CUBN: variants seen among roughly 807,000 people sequenced by gnomAD.
CUBN encodes 460 kDa receptor.
A neutral mutation model predicts 405.3 loss-of-function variants in CUBN; 282 were observed. The ratio of observed to expected loss-of-function variants is 0.70; its 90% confidence interval spans 0.63 to 0.77. The LOEUF is 0.77. CUBN is among the 30% of genes least tolerant of loss of function. CUBN has a pLI of 0.00. For synonymous variants in CUBN, 1,684 were observed against 1,617.0 expected, an observed-to-expected ratio of 1.04 and a Z score of -0.99; for missense variants, 4,514 against 4,475.2, an observed-to-expected ratio of 1.01 and a Z score of -0.25.
intron 31 of CUBN, among the ~76,000 whole-genome samples, chr10:16,967,854 A>G (rs1843440041): frequency 6.6e-6 from 1 of 150,482 alleles, no homozygotes; most frequent in South Asian, 2.1e-4. Flanking sequence ...AGAGGGAGAG[A>G]GAGAGAAGGA....
intron 21 of CUBN, among the ~76,000 whole-genome samples, chr10:17,066,154 C>T (rs543083491): frequency 5.9e-5 from 9 of 152,228 alleles, no homozygotes; most frequent in Non-Finnish European, 1.2e-4. Flanking sequence ...TGCCTACAAT[C>T]GTAACCCCTA....
intron 27 of CUBN, among the ~76,000 whole-genome samples, chr10:17,039,140 G>A (rs7893634): frequency 0.49 from 74,827 of 151,908 alleles, 21,898 homozygotes; most frequent in African/African-American, 0.83. Context: ...TCCTTTCTGT[G>A]GCTTTCTCCA....
intron 64 of CUBN, 58 bp from the exon 65 acceptor site, chr10:16,831,475 T>G (rs1838991296): frequency 1.4e-6 from 2 of 1,409,588 alleles, no homozygotes; most frequent in African/African-American, 2.8e-5. Flanking sequence ...GGTATATACA[T>G]TAAAATGGAG....
At chr10:16,885,545 G>T (rs937476242) in intron 56 of CUBN, among the ~76,000 whole-genome samples, 11 of 152,080 alleles carry the variant, frequency 7.2e-5, no homozygotes, top group African/African-American at 2.7e-4. Flanking sequence ...CACTTGAATA[G>T]CAGTAAGTGG....
At chr10:17,092,941 G>A (rs1404421518) in intron 14 of CUBN, among the ~76,000 whole-genome samples, 1 of 152,140 alleles carries the variant, frequency 6.6e-6, no homozygotes, top group African/African-American at 2.4e-5. Flanking sequence ...ATTGATAATA[G>A]TAAGGAATTA....
intron 43 of CUBN, among the ~76,000 whole-genome samples, chr10:16,921,153 G>A (rs1294308183): frequency 1.3e-5 from 2 of 152,102 alleles, no homozygotes; most frequent in African/African-American, 4.8e-5. Flanking sequence ...AACTACAATG[G>A]CTGTTTGGAA....
chr10:16,867,121 A>G lies in CUBN; in HGVS notation c.9454+2515T>C, dbSNP rs541376420. Among the ~76,000 whole-genome samples, 9 of 152,366 alleles carry G rather than the reference A, an allele frequency of 5.9e-5. No individual in the cohort carries two copies. In the South Asian group the frequency reaches 1.9e-3, roughly 32 times the overall value. ...GATCGAAACGGAAATGTCATAGACT[A>G]AAATGGTCTCCTCTTCACATCAATT... On this transcript the variant is annotated intron_variant, in intron 59 of 66. Transcript: ENST00000377833.
At chr10:17,124,149 T>A (rs893996774) in intron 4 of CUBN, among the ~76,000 whole-genome samples, 1 of 152,240 alleles carries the variant, frequency 6.6e-6, no homozygotes, top group Non-Finnish European at 1.5e-5. Context: ...CATCTGCTGC[T>A]GCTGCCCCTC....
At chr10:16,875,852 T>A (rs995978013) in intron 57 of CUBN, among the ~76,000 whole-genome samples, 1 of 152,320 alleles carries the variant, frequency 6.6e-6, no homozygotes, top group South Asian at 2.1e-4. Context: ...AGTTTACCTC[T>A]CCAAAGCAGC....
intron 31 of CUBN, among the ~76,000 whole-genome samples, chr10:16,974,664 C>T (rs1833040164): frequency 6.6e-6 from 1 of 152,176 alleles, no homozygotes; most frequent in Non-Finnish European, 1.5e-5. Context: ...AGCCACCGCG[C>T]CCGGCCTACA....
At chr10:17,045,428 T>G (rs1835111249) in intron 24 of CUBN, among the ~76,000 whole-genome samples, 1 of 151,336 alleles carries the variant, frequency 6.6e-6, no homozygotes, top group Admixed American at 6.6e-5. Context: ...GGCATGATCT[T>G]GACTCACTGC....
At chr10:17,116,229 G>A (rs145728522) in intron 6 of CUBN, among the ~76,000 whole-genome samples, 5 of 152,348 alleles carry the variant, frequency 3.3e-5, no homozygotes, top group East Asian at 1.9e-4. Flanking sequence ...CTAGCAGTGG[G>A]TGCTTTGTTA....
chr10:16,969,827 T>A (rs112053769), intron 31 of CUBN, among the ~76,000 whole-genome samples: 2 of 152,244 alleles, frequency 1.3e-5, no homozygotes, highest in Admixed American at 1.3e-4. Context: ...CAGAAGAGTA[T>A]GGGGATAGTC....
rs767435542 is a variant in CUBN at position 17,043,817 on chromosome 10, T to A, written c.3829+10A>T. 2.7e-5 allele frequency: 43 copies of A among 1,612,360 alleles called. No individual in the cohort carries two copies. The highest frequency in any genetic ancestry group is 3.6e-5 in the Non-Finnish European group (43 of 1,178,950). ...GTATACACACTTACTCTGCCGGTAT[T>A]CACACTTACTCTGCCGGTATTCAGC... is the stretch of plus-strand genomic sequence containing the variant. On this transcript the variant is annotated intron_variant, in intron 26 of 66. Coordinates refer to ENST00000377833, the MANE Select transcript of CUBN (RefSeq NM_001081.4).
chr10:16,990,931 CT>C (rs1833566170), intron 28 of CUBN, among the ~76,000 whole-genome samples: 1 of 152,122 alleles, frequency 6.6e-6, no homozygotes, highest in African/African-American at 2.4e-5. Context: ...GTCCTTGTAG[CT>C]AATACATTAT....
At chr10:17,092,556 C>A (rs1836288147) in intron 14 of CUBN, among the ~76,000 whole-genome samples, 1 of 152,110 alleles carries the variant, frequency 6.6e-6, no homozygotes, top group African/African-American at 2.4e-5. Flanking sequence ...CAAACACCAC[C>A]AAAACCAAGA....
intron 5 of CUBN, 60 bp downstream of exon 5, chr10:17,123,528 T>A (rs1837093651): frequency 1.6e-6 from 2 of 1,274,946 alleles, no homozygotes; most frequent in Admixed American, 1.8e-5. Flanking sequence ...GCCTGATGAT[T>A]CCAAGGAAAC....
chr10:16,876,872 A>G (rs1393819477), intron 57 of CUBN, 25 bp downstream of exon 57: 12 of 1,602,930 alleles, frequency 7.5e-6, no homozygotes, highest in South Asian at 3.3e-5. Flanking sequence ...AGAAAATTCC[A>G]AACTCTGTCA....
chr10:17,125,276 A>G (rs1417184870), intron 4 of CUBN, among the ~76,000 whole-genome samples: 1 of 152,090 alleles, frequency 6.6e-6, no homozygotes, highest in Non-Finnish European at 1.5e-5. Flanking sequence ...ACAACATACT[A>G]TATACAGTGA....
Sources: gnomAD v4.1 joint callset for allele counts (sites outside exome capture counted in the v4.1 genomes callset) on GRCh38, gnomAD v4.1.1 for gene constraint, MANE v1.5 for transcripts, NCBI Gene and HGNC (gene_info 2026-07-23, HGNC 2026-07-21) for gene names.